IQGAP1: variants seen among roughly 807,000 people sequenced by gnomAD.
IQGAP1 encodes the protein ras GTPase-activating-like protein IQGAP1.
A neutral mutation model predicts 215.6 loss-of-function variants in IQGAP1; 66 were observed. That is an observed-to-expected ratio of 0.31 (90% confidence interval 0.25 to 0.38). The LOEUF (loss-of-function observed/expected upper bound fraction) is 0.38, where lower values mean the gene tolerates loss of function less well. Ranked by LOEUF, IQGAP1 falls within the 10% of genes least tolerant of loss-of-function variation. IQGAP1 has a pLI of 1.00. For missense variants in IQGAP1, 1,712 were observed against 1,997.1 expected (o/e 0.86, Z 2.72); for synonymous variants, 772 against 728.7 (o/e 1.06, Z -0.96).
chr15:90,442,123 T>G (rs1965458904), intron 8 of IQGAP1, among the ~76,000 whole-genome samples: 1 of 152,192 alleles, frequency 6.6e-6, no homozygotes, highest in Admixed American at 6.5e-5. Flanking sequence ...ATTAACATAG[T>G]CTTTCCTCTT....
chr15:90,466,815 G>T (rs1965839110), intron 17 of IQGAP1, among the ~76,000 whole-genome samples: 1 of 152,216 alleles, frequency 6.6e-6, no homozygotes, highest in South Asian at 2.1e-4. Context: ...AACTGGGCCG[G>T]GTGCGGTGGC....
intron 30 of IQGAP1, among the ~76,000 whole-genome samples, chr15:90,485,373 G>A (rs1966112598): frequency 6.6e-6 from 1 of 152,050 alleles, no homozygotes; most frequent in African/African-American, 2.4e-5. Context: ...CTGGCAGTAG[G>A]GTACATTGAT....
chr15:90,441,431 C>A (rs1965447532), intron 7 of IQGAP1, 75 bp from the exon 8 acceptor site: 4 of 1,309,530 alleles, frequency 3.1e-6, no homozygotes, highest in Non-Finnish European at 1.1e-6. Flanking sequence ...ATGTTGCTTT[C>A]TGTTGTGATA....
At chr15:90,432,114 G>A (rs997849137) in intron 4 of IQGAP1, among the ~76,000 whole-genome samples, 6 of 152,010 alleles carry the variant, frequency 3.9e-5, no homozygotes, top group Admixed American at 6.6e-5. Context: ...AGATAAACAC[G>A]GTATCTTCAG....
intron 15 of IQGAP1, among the ~76,000 whole-genome samples, chr15:90,465,772 C>G (rs1965822761): frequency 1.3e-5 from 2 of 152,144 alleles, no homozygotes; most frequent in Non-Finnish European, 2.9e-5. Context: ...TCAAGCATTC[C>G]TTCTGCCTCA....
At chr15:90,489,911 T>C (rs1966179898) in intron 33 of IQGAP1, among the ~76,000 whole-genome samples, 1 of 152,212 alleles carries the variant, frequency 6.6e-6, no homozygotes, top group Admixed American at 6.5e-5. Flanking sequence ...TTTTCATCCT[T>C]ATTTTGCAGA....
intron 6 of IQGAP1, 112 bp downstream of exon 6, chr15:90,439,511 G>A (rs1965418809): frequency 9.9e-6 from 7 of 705,910 alleles, no homozygotes; most frequent in Admixed American, 2.8e-5. Flanking sequence ...TGGCAGTGGA[G>A]GTGAAAAAAA....
At chr15:90,407,734 G>T (rs943099383) in intron 2 of IQGAP1, among the ~76,000 whole-genome samples, 1 of 151,994 alleles carries the variant, frequency 6.6e-6, no homozygotes, top group South Asian at 2.1e-4. Context: ...TTCTAACATG[G>T]CTAAGAAGTT....
In IQGAP1 at chr15:90,467,469, G is replaced by T; in HGVS notation, c.2055G>T (p.Trp685Cys). The change falls in exon 18 of 38, where the codon TGG (tryptophan) becomes TGT (cysteine). Residue 685 changes from tryptophan (W) to cysteine (C), a missense_variant. Physicochemically the swap from Trp to Cys is radical, Grantham distance 215 (BLOSUM62 -2). Coordinates refer to ENST00000268182, the MANE Select transcript of IQGAP1 (RefSeq NM_003870.4). ...TGCCAGGAGATAATAACAGCAAGTG[G>T]GTGAAGCACTGGGTAAAAGGTGGAT... ...KLAVGDNNSK[W>C]VKHWVKGGYY... 6.2e-7 allele frequency: 1 copy of T among 1,611,000 alleles called. No homozygotes were observed. Among genetic ancestry groups the T allele is most frequent in the Non-Finnish European group, 8.5e-7 (1 of 1,178,804 alleles).
chr15:90,468,193 C>T (rs774351047), intron 18 of IQGAP1, among the ~76,000 whole-genome samples: 16 of 152,064 alleles, frequency 1.1e-4, no homozygotes, highest in Admixed American at 6.5e-4. Flanking sequence ...CTCAGCCTCC[C>T]GAATACCTGG....
chr15:90,482,805 C>A, intron 28 of IQGAP1: 2 of 770,686 alleles, frequency 2.6e-6, no homozygotes, highest in Non-Finnish European at 3.2e-6. Context: ...TGTGACTGCC[C>A]CTGAATTCTT....
intron 19 of IQGAP1, 64 bp from the exon 20 acceptor site, chr15:90,473,651 T>C: frequency 8.1e-7 from 1 of 1,232,796 alleles, no homozygotes; most frequent in Non-Finnish European, 1.2e-6. Flanking sequence ...AGATGAAAGT[T>C]TTTTTTTAAC....
chr15:90,397,777 A>G (rs936850572), intron 2 of IQGAP1: 5 of 151,452 alleles, frequency 3.3e-5, no homozygotes, highest in African/African-American at 1.2e-4. Context: ...CGGCCTCCCA[A>G]AGTGCTGGGA....
intron 36 of IQGAP1, among the ~76,000 whole-genome samples, chr15:90,495,796 C>T (rs1966264808): frequency 6.6e-6 from 1 of 150,574 alleles, no homozygotes; most frequent in Non-Finnish European, 1.5e-5. Flanking sequence ...CACCACCACA[C>T]CCAGCTAAGT....
chr15:90,394,576 C>T (rs1233298435), intron 2 of IQGAP1, among the ~76,000 whole-genome samples: 3 of 152,072 alleles, frequency 2.0e-5, no homozygotes, highest in Non-Finnish European at 2.9e-5. Context: ...CTTGGTGAAC[C>T]GGCCTGTATC....
chr15:90,486,352 T>A (rs1001574985), intron 31 of IQGAP1: 1 of 365,276 alleles, frequency 2.7e-6, no homozygotes, highest in African/African-American at 2.1e-5. Flanking sequence ...GAGGAAAAGA[T>A]CATTTTAAAC....
chr15:90,493,326 T>C (rs570030127), intron 35 of IQGAP1, among the ~76,000 whole-genome samples: 2 of 152,228 alleles, frequency 1.3e-5, no homozygotes, highest in African/African-American at 4.8e-5. Context: ...AGGAATATTA[T>C]ACAAATTTGG....
rs552222380 is a variant in IQGAP1, at chr15:90,496,306, CTTTTTTTTTTTTT to C, written c.4752-909_4752-897del. On this transcript the variant is annotated intron_variant, in intron 36 of 37. Coordinates refer to ENST00000268182, the MANE Select transcript of IQGAP1 (RefSeq NM_003870.4). Reference sequence around the variant, plus strand: ...GATCATCCAGAGAACAGCATAATCCCTTTTTTTTTTTTTTTTTTTTTTTTTTTTTGAGACGGAG... The same window carrying C: ...GATCATCCAGAGAACAGCATAATCCCTTTTTTTTTTTTTTTTGAGACGGAG... 1.9e-3 allele frequency among the ~76,000 whole-genome samples: 198 copies of C among 106,116 alleles called. 7 individuals carry two copies. The East Asian group carries it at 0.024, about 13-fold the overall frequency. 69.6% of individuals were successfully genotyped at this position (106,116 alleles called of 152,430 possible). A position where few individuals can be genotyped will look rare whatever the true frequency, so the allele number is the denominator to read the frequency against.
intron 11 of IQGAP1, among the ~76,000 whole-genome samples, chr15:90,451,706 A>C (rs1401538202): frequency 6.6e-6 from 1 of 152,008 alleles, no homozygotes; most frequent in Non-Finnish European, 1.5e-5. Context: ...AAACCAATCC[A>C]AACCATAGCA....
Sources: allele counts gnomAD v4.1 joint callset (sites outside exome capture counted in the v4.1 genomes callset), GRCh38; gene constraint gnomAD v4.1.1; transcripts MANE v1.5; gene names NCBI Gene and HGNC (gene_info 2026-07-23, HGNC 2026-07-21).